CCDC57: variants seen among roughly 807,000 people sequenced by gnomAD.
CCDC57 encodes coiled-coil domain containing 57, also known as coiled-coil domain-containing protein 57.
Under a neutral mutation model 118.9 loss-of-function variants are expected in CCDC57, and 118 were observed. The ratio of observed to expected loss-of-function variants is 0.99; its 90% CI spans 0.86 to 1.16. The LOEUF (loss-of-function observed/expected upper bound fraction) is 1.16, where lower values mean the gene tolerates loss of function less well. Among genes scored for constraint, CCDC57 ranks in the 50% most tolerant of loss-of-function variants. The pLI is 0.00. For missense variants in CCDC57, 1,300 were observed against 1,320.7 expected, an observed-to-expected ratio of 0.98 and a Z score of 0.24; for synonymous variants, 527 against 532.9, an observed-to-expected ratio of 0.99 and a Z score of 0.15.
At chr17:82,138,790 C>T (rs994830992) in intron 16 of CCDC57, among the ~76,000 whole-genome samples, 1 of 151,570 alleles carries the variant, frequency 6.6e-6, no homozygotes, top group Non-Finnish European at 1.5e-5. Context: ...GGAGACGTCC[C>T]GGGTGCCCAC....
chr17:82,177,802 G>T (rs1427188382), intron 11 of CCDC57, among the ~76,000 whole-genome samples: 1 of 152,208 alleles, frequency 6.6e-6, no homozygotes, highest in Non-Finnish European at 1.5e-5. Flanking sequence ...CATGTCGGCT[G>T]CACTGACCTG....
chr17:82,146,852 T>G (rs1329986402), intron 16 of CCDC57, among the ~76,000 whole-genome samples: 1 of 152,168 alleles, frequency 6.6e-6, no homozygotes, highest in African/African-American at 2.4e-5. Flanking sequence ...TGCACAGTCT[T>G]GCACACAAAC....
At chr17:82,176,882 G>C (rs2045583815) in intron 11 of CCDC57, among the ~76,000 whole-genome samples, 2 of 151,294 alleles carry the variant, frequency 1.3e-5, no homozygotes, top group African/African-American at 4.9e-5. Context: ...GGATGGTAGA[G>C]AGCAGTCTTT....
intron 19 of CCDC57, among the ~76,000 whole-genome samples, chr17:82,106,955 G>A (rs558848075): frequency 2.6e-5 from 4 of 152,300 alleles, no homozygotes; most frequent in Admixed American, 2.6e-4. Flanking sequence ...GCAGGTCACC[G>A]CCATGTCCCC....
intron 7 of CCDC57, among the ~76,000 whole-genome samples, chr17:82,189,894 C>T (rs2047442044): frequency 6.6e-6 from 1 of 152,292 alleles, no homozygotes; most frequent in Admixed American, 6.5e-5. Context: ...CCTGTAATCC[C>T]AGCTACTGGG....
intron 15 of CCDC57, 156 bp downstream of exon 14, chr17:82,157,591 TG>T: frequency 7.0e-7 from 1 of 1,433,742 alleles, no homozygotes; most frequent in South Asian, 1.5e-5. Context: ...GGAGAGGGGG[TG>T]GAGCAGGGCC....
exon 8 of CCDC57, chr17:82,188,327 G>A (rs776105250): frequency 6.2e-7 from 1 of 1,607,712 alleles, no homozygotes; most frequent in South Asian, 1.1e-5. Flanking sequence ...CAGAACCCTG[G>A]TCTGCAGCTC....
At chr17:82,166,548 T>C (rs2044009988) in intron 13 of CCDC57, among the ~76,000 whole-genome samples, 1 of 151,324 alleles carries the variant, frequency 6.6e-6, no homozygotes, top group Non-Finnish European at 1.5e-5. Context: ...AACAAAAAAC[T>C]CCAGCAAGCA....
intron 13 of CCDC57, among the ~76,000 whole-genome samples, chr17:82,167,743 A>G (rs998411414): frequency 6.6e-6 from 1 of 151,934 alleles, no homozygotes; most frequent in Non-Finnish European, 1.5e-5. Context: ...GGCCTCCCAA[A>G]GTGCTGGGAT....
At chr17:82,167,098 A>G (rs1323180251) in intron 13 of CCDC57, among the ~76,000 whole-genome samples, 3 of 152,194 alleles carry the variant, frequency 2.0e-5, no homozygotes. Flanking sequence ...AACAAGAGAG[A>G]AAACAAATTG....
At chr17:82,175,846 A>AT (rs943880667) in intron 11 of CCDC57, among the ~76,000 whole-genome samples, 1 of 152,148 alleles carries the variant, frequency 6.6e-6, no homozygotes, top group Non-Finnish European at 1.5e-5. Flanking sequence ...CTGAGTGGAG[A>AT]TGCCTCTGAC....
At chr17:82,138,236 C>A (rs1257619804) in intron 16 of CCDC57, among the ~76,000 whole-genome samples, 1 of 150,500 alleles carries the variant, frequency 6.6e-6, no homozygotes, top group African/African-American at 2.4e-5. Flanking sequence ...GCAAGCTCCG[C>A]CTCCCGGGTT....
chr17:82,178,800 C>T (rs1158522477), intron 10 of CCDC57, among the ~76,000 whole-genome samples, 195 bp from the exon 10 acceptor site: 1 of 152,256 alleles, frequency 6.6e-6, no homozygotes, highest in Non-Finnish European at 1.5e-5. Context: ...TGCAGCGCTA[C>T]TCAAACCACG....
intron 16 of CCDC57, among the ~76,000 whole-genome samples, chr17:82,151,091 G>C (rs1343198885): frequency 1.4e-5 from 1 of 74,064 alleles, no homozygotes; most frequent in African/African-American, 5.0e-5. Flanking sequence ...AGAACCTGGT[G>C]CACACCCAGA....
At chr17:82,198,133 C>T (rs2048528318) in intron 4 of CCDC57, among the ~76,000 whole-genome samples, 181 bp downstream of exon 3, 1 of 152,168 alleles carries the variant, frequency 6.6e-6, no homozygotes, top group Non-Finnish European at 1.5e-5. Flanking sequence ...TGTAGACATC[C>T]CATCCTGTTT....
intron 16 of CCDC57, chr17:82,145,755 T>C (rs35131420): frequency 0.26 from 114,937 of 442,060 alleles, 16,803 homozygotes; most frequent in Non-Finnish European, 0.32. Context: ...TGCAGGCCCC[T>C]GAGTGGGGCT....
intron 1 of CCDC57, among the ~76,000 whole-genome samples, chr17:82,209,215 C>T (rs536095136): frequency 6.6e-5 from 10 of 152,012 alleles, no homozygotes; most frequent in African/African-American, 2.2e-4. Context: ...ACCACTACCA[C>T]GAAGGAACAT....
rs544422312 is a variant in CCDC57 at position 82,118,347 on chromosome 17, C to T, written c.2899+9345G>A. Among the ~76,000 whole-genome samples, 2 of 151,932 alleles carry T rather than the reference C, an allele frequency of 1.3e-5. No individual in the cohort carries two copies. Among genetic ancestry groups the T allele is most frequent in the Admixed American group, 6.6e-5 (1 of 15,246 alleles). On this transcript the variant is annotated intron_variant, in intron 19 of 19. Coordinates refer to ENST00000665763, the Ensembl canonical transcript of CCDC57. The surrounding 1 kb of genome is among the most constrained non-coding windows in gnomAD (Gnocchi z 4.7). ...TATCCATTAGCGCAGGACTGAAACC[C>T]GATGTGGGTGTTATCCATTAGCGCA...
exon 16 of CCDC57, chr17:82,151,661 T>C (rs780250549): frequency 1.3e-6 from 2 of 1,550,302 alleles, no homozygotes; most frequent in Admixed American, 2.0e-5. Flanking sequence ...CTCCTTCAGC[T>C]TTCTCTGGAG....
Sources: allele counts gnomAD v4.1 joint callset (sites outside exome capture counted in the v4.1 genomes callset), GRCh38; gene constraint gnomAD v4.1.1; non-coding constraint Gnocchi (gnomAD v3.1); transcripts MANE v1.5; gene names NCBI Gene and HGNC (gene_info 2026-07-23, HGNC 2026-07-21).